The following METTL25 variants were observed in gnomAD, a reference collection of about 807,000 sequenced individuals.
METTL25 encodes the protein probable methyltransferase-like protein 25.
In METTL25, 64 loss-of-function variants were observed where a neutral mutation model predicts 71.6. The observed-to-expected ratio is 0.89, with a 90% confidence interval of 0.73 to 1.10. The LOEUF (loss-of-function observed/expected upper bound fraction) is 1.10. Ranked by LOEUF, METTL25 falls within the 50% of genes least tolerant of loss-of-function variation. The pLI, the probability that METTL25 is intolerant of heterozygous loss-of-function variation, is 0.00. For synonymous variants in METTL25, 287 were observed against 250.3 expected (o/e 1.15, Z -1.38); for missense variants, 807 against 707.0 (o/e 1.14, Z -1.60).
chr12:82,458,968 A>G (rs949069702), intron 9 of METTL25, among the ~76,000 whole-genome samples: 1 of 152,206 alleles, frequency 6.6e-6, no homozygotes, highest in African/African-American at 2.4e-5. Context: ...AGACTGAGAC[A>G]TAATTATAGG....
intron 5 of METTL25, among the ~76,000 whole-genome samples, chr12:82,425,437 G>A (rs1888935857): frequency 6.6e-6 from 1 of 152,010 alleles, no homozygotes; most frequent in Admixed American, 6.6e-5. Flanking sequence ...AGTCAGCAAG[G>A]GAGTATAAAG....
intron 1 of METTL25, among the ~76,000 whole-genome samples, chr12:82,379,519 CTG>C (rs72158886): frequency 0.92 from 140,581 of 152,092 alleles, 65,285 homozygotes; most frequent in East Asian, 1. Context: ...AATTTAGTAT[CTG>C]TTGTTTTTTG....
intron 8 of METTL25, among the ~76,000 whole-genome samples, chr12:82,452,327 A>G (rs926805727): frequency 3.9e-5 from 6 of 151,920 alleles, no homozygotes; most frequent in African/African-American, 1.5e-4. Flanking sequence ...TTTTTCTTCT[A>G]TTGCTTAACT....
chr12:82,384,591 C>G (rs1174595765), intron 1 of METTL25, among the ~76,000 whole-genome samples: 1 of 151,286 alleles, frequency 6.6e-6, no homozygotes, highest in African/African-American at 2.4e-5. Context: ...AACTGTTAGA[C>G]TGAATTAGAA....
Position 82,479,048 on chromosome 12 carries a change from ATGTATTT to A in METTL25, c.*25_*31del. 1 of 1,596,076 alleles carries A rather than the reference ATGTATTT, an allele frequency of 6.3e-7. No homozygotes were observed. ...GATTTCCATTGAAGCAAATTATTAG[ATGTATTT>A]CTCTATGAGACCTGTTGCTGAGATT... On this transcript the variant is annotated 3_prime_UTR_variant, in exon 12 of 12. Transcript: ENST00000248306.
intron 5 of METTL25, among the ~76,000 whole-genome samples, chr12:82,406,771 T>G (rs1424178204): frequency 2.0e-5 from 3 of 152,130 alleles, no homozygotes; most frequent in Admixed American, 6.6e-5. Context: ...TACAGCAGAG[T>G]AGCATGTAGC....
chr12:82,475,392 G>C (rs1892826558), intron 9 of METTL25, among the ~76,000 whole-genome samples: 1 of 152,028 alleles, frequency 6.6e-6, no homozygotes, highest in African/African-American at 2.4e-5. Flanking sequence ...CATGGGTTCT[G>C]TACAAAGTGG....
chr12:82,368,061 A>G (rs1210323643), intron 1 of METTL25, among the ~76,000 whole-genome samples: 2 of 152,126 alleles, frequency 1.3e-5, no homozygotes, highest in Non-Finnish European at 2.9e-5. Context: ...CCCATAATAA[A>G]TAATAGCCAC....
chr12:82,412,015 C>A (rs2137063050), intron 5 of METTL25, among the ~76,000 whole-genome samples: 1 of 152,060 alleles, frequency 6.6e-6, no homozygotes, highest in Middle Eastern at 3.4e-3. Flanking sequence ...ATATAATGAC[C>A]ACAAAAGTTA....
intron 1 of METTL25, among the ~76,000 whole-genome samples, chr12:82,359,616 C>A (rs1480704016): frequency 6.6e-6 from 1 of 152,182 alleles, no homozygotes. Context: ...GTATCTTGGA[C>A]TAGGATGGTA....
Position 82,385,661 on chromosome 12 carries a change from G to A in METTL25, c.260-1142G>A, listed in dbSNP as rs1259792034. On this transcript the variant is annotated intron_variant, in intron 1 of 11. Transcript: ENST00000248306. ...TAGAACAATGAGATTGAACTAATCT[G>A]TCAGTGTGCCTATGTGCATCCATCA... 2.0e-5 allele frequency among the ~76,000 whole-genome samples: 3 copies of A among 152,132 alleles called. No homozygotes were observed. In the East Asian group the frequency reaches 5.8e-4, roughly 29 times the overall value.
intron 8 of METTL25, chr12:82,451,374 A>G (rs563867606): frequency 1.1e-5 from 4 of 368,214 alleles, no homozygotes; most frequent in South Asian, 2.2e-4. Flanking sequence ...TCCCCACTGC[A>G]TCATATCACT....
intron 6 of METTL25, among the ~76,000 whole-genome samples, chr12:82,432,173 C>G (rs1479414210): frequency 2.0e-5 from 3 of 151,602 alleles, no homozygotes; most frequent in African/African-American, 7.3e-5. Context: ...TTTTAGGACC[C>G]ATTATTTCTA....
At chr12:82,446,518 T>C (rs1890752561) in intron 8 of METTL25, among the ~76,000 whole-genome samples, 1 of 151,864 alleles carries the variant, frequency 6.6e-6, no homozygotes, top group Non-Finnish European at 1.5e-5. Flanking sequence ...CAAGAGAACC[T>C]TTGGAAACTG....
At chr12:82,461,398 T>A (rs1891868367) in intron 9 of METTL25, among the ~76,000 whole-genome samples, 3 of 152,224 alleles carry the variant, frequency 2.0e-5, no homozygotes, top group South Asian at 2.1e-4. Flanking sequence ...ATGTTATTAT[T>A]GTTTTATAGA....
At chr12:82,361,609 T>C (rs1254296167) in intron 1 of METTL25, among the ~76,000 whole-genome samples, 2 of 152,158 alleles carry the variant, frequency 1.3e-5, no homozygotes, top group Admixed American at 6.5e-5. Context: ...GCAGCGCTGG[T>C]GGGCCGGCAC....
chr12:82,458,888 A>T (rs761645029), intron 9 of METTL25, among the ~76,000 whole-genome samples: 7 of 152,146 alleles, frequency 4.6e-5, no homozygotes, highest in Non-Finnish European at 1.0e-4. Flanking sequence ...ATCCTGTGCC[A>T]CCCAAGAAAG....
chr12:82,466,246 A>C (rs1201739514), intron 9 of METTL25, among the ~76,000 whole-genome samples: 2 of 150,244 alleles, frequency 1.3e-5, no homozygotes, highest in Non-Finnish European at 3.0e-5. Context: ...TTACCCCTTA[A>C]TACTGCTTTT....
At chr12:82,375,869 G>GTCT (rs1238513199) in intron 1 of METTL25, among the ~76,000 whole-genome samples, 1 of 152,102 alleles carries the variant, frequency 6.6e-6, no homozygotes, top group South Asian at 2.1e-4. Flanking sequence ...CCCAATTTAG[G>GTCT]TTTGCAAAAA....
Sources: allele counts gnomAD v4.1 joint callset (sites outside exome capture counted in the v4.1 genomes callset), GRCh38; gene constraint gnomAD v4.1.1; transcripts MANE v1.5; gene names NCBI Gene and HGNC (gene_info 2026-07-23, HGNC 2026-07-21).